SIPA1L3: variants seen among roughly 807,000 people sequenced by gnomAD.
SIPA1L3 encodes the protein signal induced proliferation associated 1 like 3.
A neutral mutation model predicts 150.1 loss-of-function variants in SIPA1L3; 59 were observed. The observed-to-expected ratio is 0.39, with a 90% CI of 0.32 to 0.49. The LOEUF (loss-of-function observed/expected upper bound fraction) is 0.49. Ranked by LOEUF, SIPA1L3 falls within the 20% of genes least tolerant of loss-of-function variation. The pLI, the probability that SIPA1L3 is intolerant of heterozygous loss-of-function variation, is 0.86. For missense variants in SIPA1L3, 2,211 were observed against 2,489.5 expected, an observed-to-expected ratio of 0.89 and a Z score of 2.38; for synonymous variants, 1,070 against 1,077.6, an observed-to-expected ratio of 0.99 and a Z score of 0.14.
Position 38,164,556 on chromosome 19 carries a change from C to A in SIPA1L3, c.3858C>A (p.Arg1286=). Residue 1286 remains arginine, a synonymous_variant, in exon 15 of 22, where the codon CGC becomes CGA. Transcript: ENST00000222345. The surrounding 1 kb of genome is among the most constrained non-coding windows in gnomAD (Gnocchi z 4.1). ...CATCCAGCAGCCACAGCGACGACCG[C>A]TGGTTCGACCCCCTGGACCCCCTGG... is the stretch of plus-strand genomic sequence containing the variant. ...SNASSSHSDD[R]WFDPLDPLEP... The A allele has an allele frequency of 6.2e-7, 1 of 1,614,154 alleles. No individual in the cohort carries two copies.
At chr19:38,202,448 C>T (rs1403339037) in intron 20 of SIPA1L3, among the ~76,000 whole-genome samples, 2 of 152,046 alleles carry the variant, frequency 1.3e-5, no homozygotes, top group South Asian at 2.1e-4. Flanking sequence ...ATTAGCCGGG[C>T]GTGGTGGTGC....
At chr19:37,968,088 T>TCTTTCTTTCTTTC (rs56758408) in intron 1 of SIPA1L3, among the ~76,000 whole-genome samples, 20 of 151,572 alleles carry the variant, frequency 1.3e-4, no homozygotes, top group East Asian at 3.9e-4. Flanking sequence ...TTTCTTTCTT[T>TCTTTCTTTCTTTC]TTTTGAGACA....
intron 3 of SIPA1L3, among the ~76,000 whole-genome samples, chr19:38,084,800 C>G (rs1247140313): frequency 6.6e-6 from 1 of 151,832 alleles, no homozygotes; most frequent in African/African-American, 2.4e-5. Context: ...CTATCATGCC[C>G]AGCTAATTTT....
chr19:38,000,224 T>C lies in SIPA1L3; in HGVS notation c.-378-28865T>C, dbSNP rs1427651695. ...GCTCACACCTGTAATCCCAGCACTT[T>C]GGGAGGCCGAGACGGGTGGATCACC... On this transcript the variant is annotated intron_variant, in intron 1 of 21. Transcript: ENST00000222345. Among the ~76,000 whole-genome samples the C allele has an allele frequency of 2.0e-5, 3 of 151,986 alleles. No homozygotes were observed. The East Asian group carries it at 5.8e-4, about 29-fold the overall frequency.
intron 1 of SIPA1L3, among the ~76,000 whole-genome samples, chr19:37,945,663 T>G (rs1267753638): frequency 6.6e-6 from 1 of 152,090 alleles, no homozygotes; most frequent in Non-Finnish European, 1.5e-5. Context: ...TGTCTGTGGG[T>G]CAAGGTCTGT....
intron 2 of SIPA1L3, among the ~76,000 whole-genome samples, chr19:38,037,493 G>A (rs1968818883): frequency 6.6e-6 from 1 of 152,150 alleles, no homozygotes; most frequent in Non-Finnish European, 1.5e-5. Flanking sequence ...AGATGGTGCC[G>A]GGTCTGGCTG....
chr19:38,049,220 C>T lies in SIPA1L3; in HGVS notation c.-311+20064C>T, dbSNP rs139729571. Among the ~76,000 whole-genome samples, 74 of 152,304 alleles carry T rather than the reference C, an allele frequency of 4.9e-4. No homozygotes were observed. The East Asian group carries it at 0.012, about 25-fold the overall frequency. On this transcript the variant is annotated intron_variant, in intron 2 of 21. Transcript: ENST00000222345. ...TTGTTTCTCTTTCCATCTTCATCCT[C>T]TATAGGTCCTTTCATTCCTTCCCCC...
At chr19:38,142,322 G>C (rs984127484) in intron 11 of SIPA1L3, among the ~76,000 whole-genome samples, 4 of 152,240 alleles carry the variant, frequency 2.6e-5, no homozygotes, top group Non-Finnish European at 4.4e-5. Flanking sequence ...GAAGCTGTGA[G>C]TTGCGGGCAG....
At chr19:37,936,052 A>G (rs1385499396) in intron 1 of SIPA1L3, among the ~76,000 whole-genome samples, 1 of 151,950 alleles carries the variant, frequency 6.6e-6, no homozygotes, top group East Asian at 1.9e-4. Context: ...TGGTTGCTCT[A>G]CCTCCAGCCT....
At chr19:38,134,032 G>A (rs1301019264) in intron 10 of SIPA1L3, among the ~76,000 whole-genome samples, 1 of 151,378 alleles carries the variant, frequency 6.6e-6, no homozygotes, top group Non-Finnish European at 1.5e-5. Context: ...TGCCCAGACT[G>A]CAGTGCAGTG....
chr19:38,052,336 G>T (rs972517833), intron 2 of SIPA1L3, among the ~76,000 whole-genome samples: 27 of 152,222 alleles, frequency 1.8e-4, no homozygotes, highest in African/African-American at 5.8e-4. Flanking sequence ...ACCAAAAAGG[G>T]GCAGAGGCCA....
chr19:37,928,000 C>T (rs2046521583), intron 1 of SIPA1L3, among the ~76,000 whole-genome samples: 3 of 152,042 alleles, frequency 2.0e-5, no homozygotes, highest in South Asian at 2.1e-4. Flanking sequence ...CACATGCTAT[C>T]GTGAAGAGTG....
chr19:38,154,688 C>T (rs1971903916), intron 13 of SIPA1L3, among the ~76,000 whole-genome samples: 1 of 152,014 alleles, frequency 6.6e-6, no homozygotes, highest in Admixed American at 6.6e-5. Context: ...CCTTGTGATC[C>T]ACCCGCCTCA....
chr19:38,097,772 G>C (rs1306532924), intron 4 of SIPA1L3, among the ~76,000 whole-genome samples: 1 of 152,178 alleles, frequency 6.6e-6, no homozygotes. Flanking sequence ...TGGTCAAGCT[G>C]GTCTCAAACT....
intron 1 of SIPA1L3, among the ~76,000 whole-genome samples, chr19:38,013,203 C>T (rs891362269): frequency 6.6e-6 from 1 of 152,198 alleles, no homozygotes; most frequent in African/African-American, 2.4e-5. Flanking sequence ...TGAGAGTTTG[C>T]CTTCTGCCTA....
intron 9 of SIPA1L3, 22 bp from the exon 10 acceptor site, chr19:38,130,476 C>G (rs746387129): frequency 6.3e-7 from 1 of 1,594,934 alleles, no homozygotes. Context: ...TTCTGAGGCT[C>G]GATCCTGCCT....
At chr19:38,179,584 C>A in intron 15 of SIPA1L3, among the ~76,000 whole-genome samples, 1 of 152,136 alleles carries the variant, frequency 6.6e-6, no homozygotes, top group South Asian at 2.1e-4. Flanking sequence ...TAAAACTTTT[C>A]TCCAATATTG....
Position 38,141,317 on chromosome 19 carries a change from C to T in SIPA1L3, c.3277C>T (p.Leu1093=). 6.2e-7 allele frequency: 1 copy of T among 1,614,066 alleles called. No homozygotes were observed. Among genetic ancestry groups the T allele is most frequent in the South Asian group, 1.1e-5 (1 of 91,082 alleles). The part of the protein sequence containing the change: ...QWSGPASHNS[L]PASKWATPTT... Reference sequence around the variant, plus strand: ...GAGCGGGCCCGCATCCCATAACTCTCTACCAGCCTCCAAGTGGGCCACTCC... The same window carrying T: ...GAGCGGGCCCGCATCCCATAACTCTTTACCAGCCTCCAAGTGGGCCACTCC... Residue 1093 remains leucine, a synonymous_variant, in exon 11 of 22, where the codon CTA becomes TTA. Coordinates refer to ENST00000222345, the MANE Select transcript of SIPA1L3 (RefSeq NM_015073.3).
intron 19 of SIPA1L3, among the ~76,000 whole-genome samples, chr19:38,201,369 A>G (rs777474582): frequency 6.6e-6 from 1 of 152,240 alleles, no homozygotes; most frequent in Non-Finnish European, 1.5e-5. Flanking sequence ...TCTGTCTTCA[A>G]TATGCATGAT....
Sources: allele counts gnomAD v4.1 joint callset (sites outside exome capture counted in the v4.1 genomes callset), GRCh38; gene constraint gnomAD v4.1.1; non-coding constraint Gnocchi (gnomAD v3.1); transcripts MANE v1.5; gene names NCBI Gene and HGNC (gene_info 2026-07-23, HGNC 2026-07-21).